Variants in TTF2 observed in about 807,000 individuals in gnomAD.
TTF2 encodes the protein RNA polymerase II termination factor.
In TTF2, 108 loss-of-function variants were observed where a neutral mutation model predicts 142.4. The observed-to-expected ratio is 0.76, with a 90% CI of 0.65 to 0.89. The LOEUF (loss-of-function observed/expected upper bound fraction) is 0.89, where lower values mean the gene tolerates loss of function less well. Ranked by LOEUF, TTF2 falls within the 40% of genes least tolerant of loss-of-function variation. The pLI, the probability that TTF2 is intolerant of heterozygous loss-of-function variation, is 0.00. For synonymous variants in TTF2, 483 were observed against 506.2 expected, an observed-to-expected ratio of 0.95 and a Z score of 0.61; for missense variants, 1,327 against 1,379.8, an observed-to-expected ratio of 0.96 and a Z score of 0.61.
chr1:117,084,129 A>G lies in TTF2; in HGVS notation c.2015A>G (p.Tyr672Cys), dbSNP rs147246961. 2.9e-4 allele frequency: 469 copies of G among 1,614,220 alleles called. 1 individual carries two copies. The highest frequency in any genetic ancestry group is 6.7e-4 in the Admixed American group (40 of 60,030). Residue 672 changes from tyrosine to cysteine, a missense_variant, in exon 11 of 23, where the codon TAT (tyrosine) becomes TGT (cysteine). Tyr to Cys is a radical substitution (Grantham distance 194). Transcript: ENST00000369466. ...KRVNSNKLRV[Y>C]LYHGPNRDSR... is the part of the protein sequence containing the mutation. ...GTGAACAGCAACAAACTAAGAGTCT[A>G]TCTCTACCATGGGCCAAACCGGGAT...
rs765737412 is a variant in TTF2 at position 117,088,967 on chromosome 1, T to C, written c.2327T>C (p.Met776Thr). 4.3e-6 allele frequency: 7 copies of C among 1,611,818 alleles called. No homozygotes were observed. The South Asian group carries it at 6.6e-5, about 15-fold the overall frequency. ...GTPIQNNLLDMYSLLKFLRCS... is the reference protein window; with the variant it reads ...GTPIQNNLLDTYSLLKFLRCS... ...CCCATTCAAAACAACTTATTGGATA[T>C]GTATTCGCTGCTGAAGTGAGTAACT... Residue 776 changes from methionine (M) to threonine (T), a missense_variant, in exon 13 of 23, where the codon ATG (methionine) becomes ACG (threonine). Met to Thr is a moderately conservative substitution (Grantham distance 81, BLOSUM62 -1). Transcript: ENST00000369466.
At position 117,073,600 on chromosome 1, in the gene TTF2, C is replaced by A; in HGVS notation, c.219-61C>A. 1 of 1,484,886 alleles carries A rather than the reference C, an allele frequency of 6.7e-7. No homozygotes were observed. Among genetic ancestry groups the A allele is most frequent in the Non-Finnish European group, 9.2e-7 (1 of 1,087,228 alleles). 92.0% of individuals were successfully genotyped at this position (1,484,886 alleles called of 1,614,324 possible). ...GATGTTTTCTTGGATTAAAAATAAGCTTATCTCTTGTTCTAATGGATTTTC... is the reference window on the plus strand; with the variant it reads ...GATGTTTTCTTGGATTAAAAATAAGATTATCTCTTGTTCTAATGGATTTTC... On this transcript the variant is annotated intron_variant, in intron 3 of 22. Transcript: ENST00000369466. This position sits in a 1 kb window ranked among gnomAD's most constrained non-coding sequence, Gnocchi z 4.4.
Position 117,069,500 on chromosome 1 carries a change from A to T in TTF2, c.219-4161A>T, listed in dbSNP as rs1462567981. ...GAAGTGTGGATGTAGGAATAAGCAG[A>T]GTGATCAGCCAGTGTGAGCTTGGCA... On this transcript the variant is annotated intron_variant, in intron 3 of 22. Coordinates refer to ENST00000369466, the MANE Select transcript of TTF2 (RefSeq NM_003594.4). 2.0e-5 allele frequency among the ~76,000 whole-genome samples: 3 copies of T among 152,222 alleles called. No individual in the cohort carries two copies. In the East Asian group the frequency reaches 5.8e-4, roughly 29 times the overall value.
chr1:117,091,672 G>A, intron 16 of TTF2, 145 bp from the exon 17 acceptor site: 2 of 1,076,758 alleles, frequency 1.9e-6, no homozygotes, highest in South Asian at 3.6e-5. Flanking sequence ...TGGCCTAATT[G>A]AAGTGGCCTA....
Position 117,091,821 on chromosome 1 carries a change from A to T in TTF2, c.2676A>T (p.Ala892=). 2 of 1,612,476 alleles carry T rather than the reference A, an allele frequency of 1.2e-6. No homozygotes were observed. ...GCTTGTCTTCCCTCTTGGAAGTGGC[A>T]CTGGAGTTTGGGTCTGAGGAGCCTA... ...RSPNNPFSRV[A]LEFGSEEPRH... Residue 892 remains alanine, a synonymous_variant, in exon 17 of 23, where the codon GCA becomes GCT. Transcript: ENST00000369466.
intron 2 of TTF2, among the ~76,000 whole-genome samples, chr1:117,061,109 G>T (rs770317701): frequency 6.6e-5 from 10 of 152,204 alleles, no homozygotes; most frequent in Non-Finnish European, 1.2e-4. Flanking sequence ...ACAACGGAGG[G>T]CCTGGCGCGG....
chr1:117,098,946 T>A, intron 22 of TTF2, 39 bp downstream of exon 22: 2 of 1,551,616 alleles, frequency 1.3e-6, no homozygotes, highest in African/African-American at 1.4e-5. Context: ...CCTTCTCAAC[T>A]TGTACTTTGT....
chr1:117,075,630 C>G lies in TTF2; in HGVS notation c.1046C>G (p.Thr349Arg), dbSNP rs771197393. ...LSLGEGREAA[T>R]SSDDEEEDDV... ...CTGGGTGAGGGCCGTGAAGCTGCCA[C>G]AAGCAGTGACGACGAGGAGGAAGAT... Residue 349 changes from threonine to arginine, a missense_variant, in exon 5 of 23, where the codon ACA (threonine) becomes AGA (arginine). Physicochemically the swap from Thr to Arg is moderately conservative, Grantham distance 71. Coordinates refer to ENST00000369466, the MANE Select transcript of TTF2 (RefSeq NM_003594.4). The surrounding 1 kb of genome is among the most constrained non-coding windows in gnomAD (Gnocchi z 4.5). 1 of 1,614,210 alleles carries G rather than the reference C, an allele frequency of 6.2e-7. No individual in the cohort carries two copies. Among genetic ancestry groups the G allele is most frequent in the South Asian group, 1.1e-5 (1 of 91,090 alleles).
rs781335527 is a variant in TTF2 at position 117,097,465 on chromosome 1, C to G, written c.3269+32C>G. On this transcript the variant is annotated intron_variant, in intron 21 of 22. Coordinates refer to ENST00000369466, the MANE Select transcript of TTF2 (RefSeq NM_003594.4). This position sits in a 1 kb window ranked among gnomAD's most constrained non-coding sequence, Gnocchi z 4.1. ...ATTCCGGATTTGTCCTGGGTTGTCA[C>G]AGCACATCAAGGAGGCCAGTGGGCT... is the stretch of plus-strand genomic sequence containing the variant. 3 of 1,605,658 alleles carry G rather than the reference C, an allele frequency of 1.9e-6. No homozygotes were observed.
intron 13 of TTF2, among the ~76,000 whole-genome samples, chr1:117,089,189 C>G (rs1218262273): frequency 6.7e-6 from 1 of 149,736 alleles, no homozygotes; most frequent in South Asian, 2.1e-4. Context: ...TACATTCAGC[C>G]CTTATATATA....
chr1:117,082,119 T>C (rs1200308289), intron 10 of TTF2, 172 bp downstream of exon 10: 1 of 976,666 alleles, frequency 1.0e-6, no homozygotes, highest in Non-Finnish European at 1.5e-6. Flanking sequence ...GTATGCTAAT[T>C]ATAAGTGATC....
chr1:117,088,354 G>A (rs1196961289), intron 12 of TTF2, among the ~76,000 whole-genome samples: 9 of 152,218 alleles, frequency 5.9e-5, no homozygotes, highest in African/African-American at 7.2e-5. Flanking sequence ...TGGCTAACAC[G>A]ATGAAACCCC....
In TTF2 at chr1:117,061,001, C is replaced by T. The variant is rs575094268; in HGVS notation, c.131+444C>T. On this transcript the variant is annotated intron_variant, in intron 2 of 22. Transcript: ENST00000369466. ...TTTTTTTAAATGTTTGAGCTTAAAA[C>T]ACTCTAGTGATTAGTTGTTAGCCTT... 9.0e-3 allele frequency among the ~76,000 whole-genome samples: 1,372 copies of T among 152,274 alleles called. 7 individuals carry two copies. The highest frequency in any genetic ancestry group is 0.013 in the Non-Finnish European group (897 of 68,012).
intron 10 of TTF2, among the ~76,000 whole-genome samples, chr1:117,082,965 G>A (rs937619449): frequency 9.9e-5 from 15 of 152,098 alleles, no homozygotes; most frequent in Admixed American, 6.5e-4. Context: ...TCTGTGGGCC[G>A]GGCATGGTGG....
At chr1:117,083,467 G>A (rs1181382753) in intron 10 of TTF2, among the ~76,000 whole-genome samples, 1 of 152,082 alleles carries the variant, frequency 6.6e-6, no homozygotes, top group Non-Finnish European at 1.5e-5. Context: ...TTAATTTTAA[G>A]GTAGAAGTAC....
Position 117,076,523 on chromosome 1 carries a change from C to A in TTF2, c.1391-118C>A. The A allele has an allele frequency of 8.3e-7, 1 of 1,201,496 alleles. No individual in the cohort carries two copies. The highest frequency in any genetic ancestry group is 1.6e-5 in the South Asian group (1 of 62,674). The allele number at this position is 1,201,496 out of a possible 1,614,324, so 74.4% of individuals were successfully genotyped here. On this transcript the variant is annotated intron_variant, in intron 6 of 22. Transcript: ENST00000369466. The surrounding 1 kb of genome is among the most constrained non-coding windows in gnomAD (Gnocchi z 4.6). ...AGCAACTGTTAAAATGCTACCTTCTCTAGGAATCCTTCATCGGAATGGTGA... is the reference window on the plus strand; with the variant it reads ...AGCAACTGTTAAAATGCTACCTTCTATAGGAATCCTTCATCGGAATGGTGA...
Position 117,069,531 on chromosome 1 carries a change from G to T in TTF2, c.219-4130G>T, listed in dbSNP as rs571639997. Among the ~76,000 whole-genome samples the T allele has an allele frequency of 5.3e-4, 81 of 152,336 alleles. 1 individual carries two copies. In the Middle Eastern group the frequency reaches 0.017, roughly 32 times the overall value. On this transcript the variant is annotated intron_variant, in intron 3 of 22. Coordinates refer to ENST00000369466, the MANE Select transcript of TTF2 (RefSeq NM_003594.4). ...CAGCCAGTGTGAGCTTGGCATTGCT[G>T]TTGTCTTTTAAGACCTTGGTATGTA...
chr1:117,060,774 C>T (rs1010082194), intron 2 of TTF2, among the ~76,000 whole-genome samples: 1 of 152,206 alleles, frequency 6.6e-6, no homozygotes, highest in African/African-American at 2.4e-5. Context: ...TGGTTACCCC[C>T]CTCTCTGGGC....
intron 3 of TTF2, among the ~76,000 whole-genome samples, chr1:117,067,398 C>T (rs1212799827): frequency 1.3e-5 from 2 of 151,834 alleles, no homozygotes; most frequent in Admixed American, 6.6e-5. Context: ...GGCATGGTGG[C>T]GTGTGCCTGT....
Sources: gnomAD v4.1 joint callset for allele counts (sites outside exome capture counted in the v4.1 genomes callset) on GRCh38, gnomAD v4.1.1 for gene constraint, Gnocchi (gnomAD v3.1) non-coding constraint, MANE v1.5 for transcripts, NCBI Gene and HGNC (gene_info 2026-07-23, HGNC 2026-07-21) for gene names.